Variants in STXBP5L observed in about 807,000 individuals in gnomAD.
STXBP5L encodes syntaxin-binding protein 5-like.
In STXBP5L, 65 loss-of-function variants were observed where a neutral mutation model predicts 144.5. That is an observed-to-expected ratio of 0.45 (90% CI 0.37 to 0.55). STXBP5L has a LOEUF of 0.55. STXBP5L is among the 20% of genes least tolerant of loss of function. The probability of loss-of-function intolerance (pLI) is 0.00; values close to 1 mark genes in which losing one functional copy is unlikely to be tolerated. For synonymous variants in STXBP5L, 505 were observed against 469.6 expected, an observed-to-expected ratio of 1.08 and a Z score of -0.97; for missense variants, 1,298 against 1,405.5, an observed-to-expected ratio of 0.92 and a Z score of 1.22.
At chr3:120,961,219 C>T (rs1228873036) in intron 3 of STXBP5L, among the ~76,000 whole-genome samples, 1 of 145,066 alleles carries the variant, frequency 6.9e-6, no homozygotes, top group Non-Finnish European at 1.5e-5. Context: ...CCCCGTGATA[C>T]ATCTCTTTGT....
At chr3:121,159,091 C>A (rs554447840) in intron 9 of STXBP5L, 2 of 151,930 alleles carry the variant, frequency 1.3e-5, no homozygotes, top group African/African-American at 4.8e-5. Context: ...TATTGACATT[C>A]TTTGGGTTTA....
chr3:120,951,521 A>C (rs541446820), intron 2 of STXBP5L, among the ~76,000 whole-genome samples: 1 of 152,276 alleles, frequency 6.6e-6, no homozygotes, highest in South Asian at 2.1e-4. Flanking sequence ...TCTCAAAAGA[A>C]GACATTTATG....
chr3:121,092,059 C>T (rs554527575), intron 5 of STXBP5L, among the ~76,000 whole-genome samples: 105 of 152,164 alleles, frequency 6.9e-4, no homozygotes, highest in African/African-American at 2.4e-3. Context: ...TTGTTTTTCT[C>T]GGGTTTGTCA....
chr3:121,252,279 T>C (rs2050051251), intron 15 of STXBP5L, among the ~76,000 whole-genome samples: 2 of 151,868 alleles, frequency 1.3e-5, no homozygotes, highest in Admixed American at 6.6e-5. Flanking sequence ...GGCAGGAGAA[T>C]TGCTGGAATC....
At chr3:121,203,053 C>T (rs925225406) in intron 9 of STXBP5L, among the ~76,000 whole-genome samples, 3 of 149,120 alleles carry the variant, frequency 2.0e-5, no homozygotes, top group African/African-American at 7.3e-5. Flanking sequence ...TGTTCATACT[C>T]CTTCATTCTT....
intron 16 of STXBP5L, among the ~76,000 whole-genome samples, chr3:121,255,942 A>G (rs2050193874): frequency 6.6e-6 from 1 of 152,084 alleles, no homozygotes; most frequent in South Asian, 2.1e-4. Context: ...CTCAACAGCT[A>G]AAATTAATAT....
intron 3 of STXBP5L, among the ~76,000 whole-genome samples, chr3:121,023,230 C>G (rs897860939): frequency 1.3e-5 from 2 of 152,006 alleles, no homozygotes. Flanking sequence ...CAAAACACTG[C>G]TGAAAGAAAT....
chr3:121,395,729 C>A (rs4080279), intron 22 of STXBP5L, among the ~76,000 whole-genome samples: 4 of 152,120 alleles, frequency 2.6e-5, no homozygotes, highest in Admixed American at 2.6e-4. Context: ...ATGGTGATAC[C>A]GCTATCATAG....
At chr3:121,072,711 G>C (rs2041857517) in intron 5 of STXBP5L, among the ~76,000 whole-genome samples, 1 of 152,136 alleles carries the variant, frequency 6.6e-6, no homozygotes, top group Non-Finnish European at 1.5e-5. Flanking sequence ...TGGCTTCTCT[G>C]TCTGCCTTTC....
At position 121,421,025 on chromosome 3, in the gene STXBP5L, CA is replaced by C. The variant is rs2047343213; in HGVS notation, c.*1929del. 6.6e-6 allele frequency: 1 copy of C among 152,016 alleles called. No homozygotes were observed. The highest frequency in any genetic ancestry group is 2.4e-5 in the African/African-American group (1 of 41,378). The allele number at this position is 152,016 out of a possible 1,614,324, so 9.4% of individuals were successfully genotyped here. A position where few individuals can be genotyped will look rare whatever the true frequency, so the allele number is the denominator to read the frequency against. ...GGTAACAGAATCTGGCTTGGAAACACAGACATTACATGACTGTATAATTTAT... is the reference window on the plus strand; with the variant it reads ...GGTAACAGAATCTGGCTTGGAAACACGACATTACATGACTGTATAATTTAT... On this transcript the variant is annotated 3_prime_UTR_variant, in exon 27 of 27. Transcript: ENST00000471454.
At chr3:121,311,250 C>T (rs954402249) in intron 19 of STXBP5L, among the ~76,000 whole-genome samples, 1 of 152,148 alleles carries the variant, frequency 6.6e-6, no homozygotes, top group Non-Finnish European at 1.5e-5. Flanking sequence ...AATTGGAACT[C>T]CCGTAAGTTG....
intron 2 of STXBP5L, among the ~76,000 whole-genome samples, chr3:120,949,322 C>T (rs1386772979): frequency 2.0e-5 from 3 of 151,734 alleles, no homozygotes; most frequent in Non-Finnish European, 4.4e-5. Flanking sequence ...TTAGTTGTTT[C>T]TCAGATGCAT....
At chr3:121,357,657 G>T (rs2045570298) in intron 20 of STXBP5L, 1 of 152,182 alleles carries the variant, frequency 6.6e-6, no homozygotes, top group Admixed American at 6.6e-5. Flanking sequence ...GAAAGAAGTT[G>T]CTGCCTGTCA....
intron 19 of STXBP5L, among the ~76,000 whole-genome samples, chr3:121,315,649 AAG>A (rs933888713): frequency 6.6e-6 from 1 of 152,078 alleles, no homozygotes; most frequent in Non-Finnish European, 1.5e-5. Context: ...TAATTAAAAA[AAG>A]AAGCTCATCA....
At chr3:121,163,614 A>G (rs2046398406) in intron 9 of STXBP5L, among the ~76,000 whole-genome samples, 1 of 152,170 alleles carries the variant, frequency 6.6e-6, no homozygotes, top group Non-Finnish European at 1.5e-5. Flanking sequence ...AAAAATAATT[A>G]CAGGGTTTTT....
At chr3:121,176,508 A>AAAG (rs2046940836) in intron 9 of STXBP5L, among the ~76,000 whole-genome samples, 2 of 148,782 alleles carry the variant, frequency 1.3e-5, no homozygotes, top group Non-Finnish European at 3.0e-5. Flanking sequence ...AAAAAAAAAA[A>AAAG]GGTGAAGTAT....
At chr3:121,095,500 T>C (rs1285403586) in intron 5 of STXBP5L, among the ~76,000 whole-genome samples, 1 of 152,202 alleles carries the variant, frequency 6.6e-6, no homozygotes, top group African/African-American at 2.4e-5. Context: ...TACTCTTTTT[T>C]CTCTAACCTT....
chr3:121,178,129 G>C lies in STXBP5L; in HGVS notation c.877+20502G>C, dbSNP rs907450527. Among the ~76,000 whole-genome samples, 3 of 152,230 alleles carry C rather than the reference G, an allele frequency of 2.0e-5. No individual in the cohort carries two copies. In the East Asian group the frequency reaches 5.8e-4, roughly 29 times the overall value. On this transcript the variant is annotated intron_variant, in intron 9 of 26. Coordinates refer to ENST00000471454, the MANE Select transcript of STXBP5L (RefSeq NM_001308330.2). ...GGTTGCCAGAGGTTAAGGAAAAAGGGGATATAAAGAGTTATTGTTAATGGG... is the reference window on the plus strand; with the variant it reads ...GGTTGCCAGAGGTTAAGGAAAAAGGCGATATAAAGAGTTATTGTTAATGGG...
intron 4 of STXBP5L, among the ~76,000 whole-genome samples, chr3:121,044,107 TGAA>T (rs1426888023): frequency 6.6e-6 from 1 of 152,216 alleles, no homozygotes; most frequent in Non-Finnish European, 1.5e-5. Context: ...CCTATTTCAT[TGAA>T]GGAAATTATC....
Sources: allele counts gnomAD v4.1 joint callset (sites outside exome capture counted in the v4.1 genomes callset), GRCh38; gene constraint gnomAD v4.1.1; transcripts MANE v1.5; gene names NCBI Gene and HGNC (gene_info 2026-07-23, HGNC 2026-07-21).